EML1: variants seen among roughly 807,000 people sequenced by gnomAD.
The protein encoded by EML1 is echinoderm microtubule-associated protein-like 1.
A neutral mutation model predicts 110.4 loss-of-function variants in EML1; 27 were observed. The observed-to-expected ratio is 0.24, with a 90% CI of 0.18 to 0.34. The LOEUF is 0.34. Ranked by LOEUF, EML1 falls within the 10% of genes least tolerant of loss-of-function variation. The pLI is 1.00. For synonymous variants in EML1, 344 were observed against 385.8 expected (o/e 0.89, Z 1.27); for missense variants, 741 against 1,030.9 (o/e 0.72, Z 3.85).
chr14:99,939,318 G>T lies in EML1; in HGVS notation c.2313G>T (p.Ser771=), dbSNP rs770758489. Residue 771 remains serine, a synonymous_variant, in exon 21 of 22, where the codon TCG becomes TCT. Transcript: ENST00000262233. The surrounding 1 kb of genome is among the most constrained non-coding windows in gnomAD (Gnocchi z 4.2). ...TGCACCTCTTCTCATACCCCTGCTCGCAGTTCAGGGTAAAGGACTTGTTTC... is the reference window on the plus strand; with the variant it reads ...TGCACCTCTTCTCATACCCCTGCTCTCAGTTCAGGGTAAAGGACTTGTTTC... ...GKVHLFSYPC[S]QFRAPSHIYG... The T allele has an allele frequency of 6.2e-7, 1 of 1,614,216 alleles. No homozygotes were observed. The highest frequency in any genetic ancestry group is 8.5e-7 in the Non-Finnish European group (1 of 1,180,032).
intron 1 of EML1, among the ~76,000 whole-genome samples, chr14:99,800,728 C>CA (rs2057860157): frequency 6.6e-6 from 1 of 152,206 alleles, no homozygotes; most frequent in Non-Finnish European, 1.5e-5. Context: ...CCTTTACTGG[C>CA]AAATACTGTT....
intron 3 of EML1, among the ~76,000 whole-genome samples, chr14:99,871,684 T>G (rs1427356331): frequency 6.6e-6 from 1 of 152,134 alleles, no homozygotes; most frequent in Non-Finnish European, 1.5e-5. Context: ...GCAAGAGAAC[T>G]AGAATTCGAA....
chr14:99,882,152 G>A (rs944206832), intron 4 of EML1, among the ~76,000 whole-genome samples: 5 of 152,048 alleles, frequency 3.3e-5, no homozygotes, highest in Admixed American at 6.6e-5. Context: ...ATAAATGAAC[G>A]TTAATAATTA....
chr14:99,908,752 C>T (rs762178994), intron 10 of EML1, among the ~76,000 whole-genome samples: 1 of 152,162 alleles, frequency 6.6e-6, no homozygotes, highest in East Asian at 1.9e-4. Context: ...GACCCCAGGC[C>T]GGTTCACTGA....
At chr14:99,919,417 T>G (rs61986034) in intron 16 of EML1, among the ~76,000 whole-genome samples, 2 of 45,628 alleles carry the variant, frequency 4.4e-5, no homozygotes, top group African/African-American at 1.2e-4. Flanking sequence ...CACATACGCA[T>G]GCACACAGAC....
At chr14:99,815,210 C>T (rs746379146) in intron 1 of EML1, among the ~76,000 whole-genome samples, 56 of 145,962 alleles carry the variant, frequency 3.8e-4, no homozygotes, top group Non-Finnish European at 4.9e-4. Context: ...GGCGCGATCT[C>T]GGCTCACTGC....
At chr14:99,893,052 G>C (rs2059614271) in intron 5 of EML1, among the ~76,000 whole-genome samples, 1 of 152,166 alleles carries the variant, frequency 6.6e-6, no homozygotes, top group African/African-American at 2.4e-5. Flanking sequence ...AAGGGAAGAA[G>C]CTTCAGAAGA....
intron 15 of EML1, 156 bp downstream of exon 15, chr14:99,914,853 C>A: frequency 2.1e-6 from 2 of 974,168 alleles, no homozygotes; most frequent in Non-Finnish European, 2.9e-6. Flanking sequence ...TTGCATTTAA[C>A]AGTGTTACTT....
At chr14:99,904,035 G>A (rs1337955599) in intron 9 of EML1, among the ~76,000 whole-genome samples, 3 of 151,920 alleles carry the variant, frequency 2.0e-5, no homozygotes, top group Non-Finnish European at 4.4e-5. Flanking sequence ...CACCCGCCTC[G>A]GCCTCCCAAA....
At chr14:99,878,456 G>A in intron 3 of EML1, 29 bp from the exon 4 acceptor site, 1 of 1,592,886 alleles carries the variant, frequency 6.3e-7, no homozygotes, top group South Asian at 1.1e-5. Context: ...ATATTAAGGA[G>A]TTCACTGTCA....
At chr14:99,865,006 G>A (rs2059070740) in intron 2 of EML1, among the ~76,000 whole-genome samples, 1 of 152,044 alleles carries the variant, frequency 6.6e-6, no homozygotes, top group Non-Finnish European at 1.5e-5. Flanking sequence ...GGCGGGTGGT[G>A]GGGATGGTTT....
chr14:99,905,860 C>T lies in EML1; in HGVS notation c.1009-1778C>T, dbSNP rs2140034213. Among the ~76,000 whole-genome samples, 1 of 152,228 alleles carries T rather than the reference C, an allele frequency of 6.6e-6. No homozygotes were observed. Among genetic ancestry groups the T allele is most frequent in the Admixed American group, 6.5e-5 (1 of 15,290 alleles). On this transcript the variant is annotated intron_variant, in intron 9 of 21. Coordinates refer to ENST00000262233, the MANE Select transcript of EML1 (RefSeq NM_004434.3). The surrounding 1 kb of genome is among the most constrained non-coding windows in gnomAD (Gnocchi z 4.1). The stretch of plus-strand genomic sequence containing the variant: ...CCTTTTATTAAGAGGGGCCTTTAAC[C>T]CACTCTGTCTTAGGAGAGACTCCTA...
intron 1 of EML1, among the ~76,000 whole-genome samples, chr14:99,807,394 T>C (rs1407104459): frequency 6.6e-6 from 1 of 151,902 alleles, no homozygotes; most frequent in Non-Finnish European, 1.5e-5. Flanking sequence ...TTCTAGAGAG[T>C]CCTGGCAGGA....
intron 1 of EML1, among the ~76,000 whole-genome samples, chr14:99,849,929 C>T (rs974785251): frequency 6.7e-6 from 1 of 149,862 alleles, no homozygotes; most frequent in African/African-American, 2.4e-5. Flanking sequence ...CACTGCGCTC[C>T]AGCCTGGGCG....
At chr14:99,849,529 G>A (rs147415383) in intron 1 of EML1, among the ~76,000 whole-genome samples, 39 of 113,596 alleles carry the variant, frequency 3.4e-4, no homozygotes, top group Admixed American at 5.9e-4. Context: ...GTGTGTGTGT[G>A]TATATATATT....
chr14:99,748,139 G>A (rs1326189986), intron 1 of EML1, among the ~76,000 whole-genome samples: 1 of 152,124 alleles, frequency 6.6e-6, no homozygotes, highest in Non-Finnish European at 1.5e-5. Context: ...GGCCCTGCAG[G>A]GTCTGTCAGG....
intron 1 of EML1, among the ~76,000 whole-genome samples, chr14:99,830,450 A>T (rs1041505586): frequency 1.3e-5 from 2 of 152,136 alleles, no homozygotes; most frequent in African/African-American, 4.8e-5. Context: ...TTATTCTCTG[A>T]TGGTGCTAGA....
chr14:99,828,951 T>C (rs2058404514), intron 1 of EML1, among the ~76,000 whole-genome samples: 1 of 152,114 alleles, frequency 6.6e-6, no homozygotes, highest in Non-Finnish European at 1.5e-5. Context: ...GCATTGGTCT[T>C]GCTGTCTCAG....
chr14:99,851,356 A>G (rs2058795844), intron 2 of EML1, among the ~76,000 whole-genome samples: 3 of 151,582 alleles, frequency 2.0e-5, no homozygotes. Context: ...CGCCCAGGCT[A>G]GAGTGCAGTG....
Sources: gnomAD v4.1 joint callset for allele counts (sites outside exome capture counted in the v4.1 genomes callset) on GRCh38, gnomAD v4.1.1 for gene constraint, Gnocchi (gnomAD v3.1) non-coding constraint, MANE v1.5 for transcripts, NCBI Gene and HGNC (gene_info 2026-07-23, HGNC 2026-07-21) for gene names.